Variants in AIG1 observed in about 807,000 individuals in gnomAD.
AIG1 encodes androgen-induced gene 1 protein.
AIG1 carries 23 observed loss-of-function variants against 31.4 expected under a neutral mutation model. That is an observed-to-expected ratio of 0.73 (90% CI 0.53 to 1.04). AIG1 has a LOEUF of 1.04. Ranked by LOEUF, AIG1 falls within the 50% of genes least tolerant of loss-of-function variation. The pLI, the probability that AIG1 is intolerant of heterozygous loss-of-function variation, is 0.00. For synonymous variants in AIG1, 100 were observed against 110.5 expected, an observed-to-expected ratio of 0.90 and a Z score of 0.60; for missense variants, 274 against 295.0, an observed-to-expected ratio of 0.93 and a Z score of 0.52.
At chr6:143,234,462 TC>T (rs1793668193) in intron 3 of AIG1, among the ~76,000 whole-genome samples, 1 of 152,150 alleles carries the variant, frequency 6.6e-6, no homozygotes, top group Non-Finnish European at 1.5e-5. Context: ...CCTTCAGAGT[TC>T]CCCCACCTGG....
intron 3 of AIG1, among the ~76,000 whole-genome samples, chr6:143,251,708 C>T (rs1795025479): frequency 6.6e-6 from 1 of 152,156 alleles, no homozygotes. Flanking sequence ...TGGTACTGCA[C>T]TTTCAAGCTG....
chr6:143,139,199 T>G (rs1784036466), intron 2 of AIG1, among the ~76,000 whole-genome samples: 1 of 152,226 alleles, frequency 6.6e-6, no homozygotes, highest in Non-Finnish European at 1.5e-5. Context: ...TAGTTATTTG[T>G]TTTAGTACAT....
At chr6:143,219,476 C>CA (rs1370117699) in intron 3 of AIG1, among the ~76,000 whole-genome samples, 1 of 151,994 alleles carries the variant, frequency 6.6e-6, no homozygotes, top group African/African-American at 2.4e-5. Context: ...TCTCTAAAAA[C>CA]AAAACAAAAC....
intron 1 of AIG1, among the ~76,000 whole-genome samples, chr6:143,129,032 C>T (rs1389516077): frequency 2.0e-5 from 3 of 152,198 alleles, no homozygotes; most frequent in African/African-American, 7.2e-5. Context: ...TGGCTCATGC[C>T]TGTAATCCCA....
In AIG1 at chr6:143,334,523, G is replaced by C. The variant is rs1777333442; in HGVS notation, c.679+1078G>C. Among the ~76,000 whole-genome samples the C allele has an allele frequency of 6.6e-6, 1 of 152,154 alleles. No individual in the cohort carries two copies. The highest frequency in any genetic ancestry group is 6.5e-5 in the Admixed American group (1 of 15,270). ...AATTTGAGGGTTTCTTTTCTCATCA[G>C]CTTTTGATTTTAATCAATGTTCTAT... is the stretch of plus-strand genomic sequence containing the variant. On this transcript the variant is annotated intron_variant, in intron 5 of 5. Coordinates refer to ENST00000357847, the MANE Select transcript of AIG1 (RefSeq NM_016108.4). The surrounding 1 kb of genome is among the most constrained non-coding windows in gnomAD (Gnocchi z 5.1).
intron 2 of AIG1, among the ~76,000 whole-genome samples, chr6:143,149,100 G>A (rs1784949639): frequency 6.6e-6 from 1 of 152,140 alleles, no homozygotes; most frequent in South Asian, 2.1e-4. Context: ...GTTGAATGAT[G>A]CGTTACTGTA....
chr6:143,118,993 G>C (rs557220643), intron 1 of AIG1, among the ~76,000 whole-genome samples: 1 of 151,918 alleles, frequency 6.6e-6, no homozygotes, highest in East Asian at 1.9e-4. Flanking sequence ...CCTGCTTCAG[G>C]CTCCTGAGTA....
At position 143,130,219 on chromosome 6, in the gene AIG1, G is replaced by A. The variant is rs111954848; in HGVS notation, c.142-6616G>A. 4.4e-3 allele frequency among the ~76,000 whole-genome samples: 667 copies of A among 151,858 alleles called. 7 individuals are homozygous for A. The highest frequency in any genetic ancestry group is 0.015 in the African/African-American group (637 of 41,420). ...GCTGGGATTATAGGTGTGAGCCACC[G>A]CGCCCTGCTGATAGATACTTTAAAA... On this transcript the variant is annotated intron_variant, in intron 1 of 5. Coordinates refer to ENST00000357847, the MANE Select transcript of AIG1 (RefSeq NM_016108.4).
At chr6:143,238,319 A>T (rs1012828147) in intron 3 of AIG1, among the ~76,000 whole-genome samples, 4 of 152,162 alleles carry the variant, frequency 2.6e-5, no homozygotes, top group African/African-American at 9.6e-5. Flanking sequence ...CTGTCCACAA[A>T]ATGGCTCCTG....
intron 1 of AIG1, among the ~76,000 whole-genome samples, chr6:143,089,926 A>T (rs1230353513): frequency 6.6e-6 from 1 of 152,230 alleles, no homozygotes; most frequent in Non-Finnish European, 1.5e-5. Flanking sequence ...GAAGGATCAA[A>T]CTTTCAAACT....
intron 3 of AIG1, among the ~76,000 whole-genome samples, chr6:143,267,010 A>G (rs1796202918): frequency 1.3e-5 from 2 of 152,358 alleles, no homozygotes; most frequent in Admixed American, 1.3e-4. Context: ...CACATGAATC[A>G]GAAAAGCGAC....
At chr6:143,128,986 T>A (rs746555651) in intron 1 of AIG1, among the ~76,000 whole-genome samples, 49 of 152,296 alleles carry the variant, frequency 3.2e-4, no homozygotes, top group Admixed American at 7.2e-4. Flanking sequence ...TTTGTCTCCT[T>A]GTGTTTAGAA....
At chr6:143,285,407 A>G (rs1156678294) in intron 4 of AIG1, among the ~76,000 whole-genome samples, 1 of 150,938 alleles carries the variant, frequency 6.6e-6, no homozygotes, top group African/African-American at 2.4e-5. Flanking sequence ...CACGCTTGTA[A>G]TCCCAGCACT....
intron 3 of AIG1, among the ~76,000 whole-genome samples, chr6:143,272,538 C>A (rs1038489955): frequency 2.6e-5 from 4 of 152,136 alleles, no homozygotes; most frequent in Admixed American, 2.0e-4. Flanking sequence ...GCCCATTGGC[C>A]AGGACTAGAG....
At chr6:143,317,020 T>C (rs1775805074) in intron 4 of AIG1, among the ~76,000 whole-genome samples, 1 of 151,680 alleles carries the variant, frequency 6.6e-6, no homozygotes, top group South Asian at 2.1e-4. Flanking sequence ...AATTTTTAAA[T>C]TGCCAACAAA....
intron 1 of AIG1, among the ~76,000 whole-genome samples, chr6:143,076,915 C>T (rs959819384): frequency 2.6e-5 from 4 of 152,192 alleles, no homozygotes; most frequent in Non-Finnish European, 5.9e-5. Flanking sequence ...TCATGATCCA[C>T]CTGCCTCAGC....
At chr6:143,222,135 G>C (rs1792569591) in intron 3 of AIG1, among the ~76,000 whole-genome samples, 1 of 152,144 alleles carries the variant, frequency 6.6e-6, no homozygotes, top group Non-Finnish European at 1.5e-5. Flanking sequence ...TTGACAGAAT[G>C]TGAATTTCAC....
At chr6:143,189,922 A>C in intron 3 of AIG1, 1 of 763,908 alleles carries the variant, frequency 1.3e-6, no homozygotes, top group Non-Finnish European at 1.6e-6. Flanking sequence ...GGGAAGTCCA[A>C]GAGCTGGGTG....
chr6:143,311,236 A>C (rs1775250303), intron 4 of AIG1, among the ~76,000 whole-genome samples: 1 of 151,906 alleles, frequency 6.6e-6, no homozygotes, highest in Non-Finnish European at 1.5e-5. Context: ...ATGTATAAAA[A>C]CAATTATTCC....
Sources: gnomAD v4.1 joint callset for allele counts (sites outside exome capture counted in the v4.1 genomes callset) on GRCh38, gnomAD v4.1.1 for gene constraint, Gnocchi (gnomAD v3.1) non-coding constraint, MANE v1.5 for transcripts, NCBI Gene and HGNC (gene_info 2026-07-23, HGNC 2026-07-21) for gene names.